Variants in ASAP3 observed in about 807,000 individuals in gnomAD.
The protein encoded by ASAP3 is ArfGAP with SH3 domain, ankyrin repeat and PH domain 3, also known as arf-GAP with SH3 domain, ANK repeat and PH domain-containing protein 3.
Under a neutral mutation model 118.2 loss-of-function variants are expected in ASAP3, and 85 were observed. That is an observed-to-expected ratio of 0.72 (90% CI 0.60 to 0.86). The LOEUF is 0.86. ASAP3 is among the 40% of genes least tolerant of loss of function. ASAP3 has a pLI of 0.00. For missense variants in ASAP3, 1,026 were observed against 1,175.0 expected, an observed-to-expected ratio of 0.87 and a Z score of 1.85; for synonymous variants, 432 against 477.4, an observed-to-expected ratio of 0.90 and a Z score of 1.24.
chr1:23,442,242 C>A lies in ASAP3; in HGVS notation c.615G>T (p.Met205Ile). ...TCTGAAGGAAGTCAGGACCTTGCTTCATCTGGCTCTCCCCGGCTTTGAGCA... is the reference window on the plus strand; with the variant it reads ...TCTGAAGGAAGTCAGGACCTTGCTTAATCTGGCTCTCCCCGGCTTTGAGCA... ...EYLLKAGESQ[M>I]KQGPDFLQSL... The change falls in exon 7 of 25, where the codon ATG becomes ATT. Residue 205 changes from methionine (M) to isoleucine (I), a missense_variant. Transcript: ENST00000336689. 1 of 1,607,288 alleles carries A rather than the reference C, an allele frequency of 6.2e-7. No individual in the cohort carries two copies. The highest frequency in any genetic ancestry group is 8.5e-7 in the Non-Finnish European group (1 of 1,177,436).
chr1:23,454,885 G>A (rs916052890), intron 3 of ASAP3, among the ~76,000 whole-genome samples: 6 of 152,320 alleles, frequency 3.9e-5, no homozygotes, highest in Non-Finnish European at 5.9e-5. Context: ...TGAGTGACTT[G>A]ACCTAGTAAG....
intron 23 of ASAP3, among the ~76,000 whole-genome samples, chr1:23,431,351 G>C (rs1558100746): frequency 6.6e-6 from 1 of 152,234 alleles, no homozygotes; most frequent in Non-Finnish European, 1.5e-5. Context: ...AGACTGAATG[G>C]GTTTGTATGG....
intron 1 of ASAP3, 132 bp downstream of exon 1, chr1:23,483,873 C>T (rs1007476759): frequency 2.0e-6 from 2 of 1,006,152 alleles, no homozygotes; most frequent in Non-Finnish European, 1.3e-6. Context: ...GCGCTCGGTC[C>T]TCCCAGACCT....
chr1:23,475,420 T>C (rs1642096786), intron 1 of ASAP3, among the ~76,000 whole-genome samples: 1 of 152,222 alleles, frequency 6.6e-6, no homozygotes, highest in Admixed American at 6.5e-5. Context: ...TCCCTTTCAG[T>C]GCAGCCCTTT....
At chr1:23,439,909 G>C (rs1041556502) in intron 10 of ASAP3, among the ~76,000 whole-genome samples, 12 of 152,026 alleles carry the variant, frequency 7.9e-5, no homozygotes, top group Non-Finnish European at 1.6e-4. Context: ...CTGCCTCCCA[G>C]GTTCAAGCAA....
intron 1 of ASAP3, among the ~76,000 whole-genome samples, chr1:23,474,990 C>T (rs1395913046): frequency 6.6e-6 from 1 of 152,182 alleles, no homozygotes; most frequent in African/African-American, 2.4e-5. Flanking sequence ...CCAGACAATC[C>T]CACAAGCTGG....
At chr1:23,464,418 C>G (rs1641694315) in intron 1 of ASAP3, among the ~76,000 whole-genome samples, 1 of 151,774 alleles carries the variant, frequency 6.6e-6, no homozygotes, top group African/African-American at 2.4e-5. Flanking sequence ...AACTCCTGAC[C>G]TCAACTGATC....
At chr1:23,431,308 G>C (rs1319953641) in intron 23 of ASAP3, among the ~76,000 whole-genome samples, 183 bp from the exon 24 acceptor site, 2 of 152,212 alleles carry the variant, frequency 1.3e-5, no homozygotes, top group African/African-American at 4.8e-5. Flanking sequence ...AAGACTCTGT[G>C]GATATCTGCA....
intron 11 of ASAP3, 124 bp downstream of exon 11, chr1:23,439,037 C>A: frequency 7.7e-7 from 1 of 1,291,500 alleles, no homozygotes; most frequent in South Asian, 1.3e-5. Context: ...CCAAACGGGT[C>A]TCCAGCTCCC....
At chr1:23,455,660 AAGG>A (rs767765836) in intron 3 of ASAP3, among the ~76,000 whole-genome samples, 96 of 152,182 alleles carry the variant, frequency 6.3e-4, no homozygotes, top group Non-Finnish European at 8.1e-4. Context: ...GGGTGAAGAG[AAGG>A]AGGAGAACAG....
At chr1:23,451,255 G>C (rs568608750) in intron 5 of ASAP3, among the ~76,000 whole-genome samples, 1 of 152,334 alleles carries the variant, frequency 6.6e-6, no homozygotes, top group African/African-American at 2.4e-5. Context: ...ATGGGACTCT[G>C]AGAGCAGCAT....
intron 5 of ASAP3, among the ~76,000 whole-genome samples, chr1:23,446,439 CTTTTTT>C (rs11365378): frequency 7.7e-6 from 1 of 130,210 alleles, no homozygotes; most frequent in Admixed American, 7.8e-5. Context: ...GTTTTTTTGT[CTTTTTT>C]TTTTTTTTTT....
At chr1:23,442,699 A>G (rs978136948) in intron 5 of ASAP3, 87 bp from the exon 6 acceptor site, 37 of 1,531,266 alleles carry the variant, frequency 2.4e-5, no homozygotes, top group Non-Finnish European at 3.1e-5. Flanking sequence ...AAGGGGCCAC[A>G]TGGTGCAGGA....
upstream of ASAP3, chr1:23,484,298 T>A: frequency 3.2e-6 from 2 of 622,182 alleles, no homozygotes; most frequent in South Asian, 8.6e-5. Context: ...GCTCCTCAGC[T>A]GGGACGGCCC....
Position 23,443,929 on chromosome 1 carries a change from G to T in ASAP3, c.474-1317C>A, listed in dbSNP as rs1487263375. ...GTAGAGATGGGGTTTCACCGTGTTA[G>T]CCAGGATGGTCTTGATCTCCTGACC... On this transcript the variant is annotated intron_variant, in intron 5 of 24. Transcript: ENST00000336689. Among the ~76,000 whole-genome samples the T allele has an allele frequency of 2.0e-5, 3 of 152,016 alleles. No homozygotes were observed. In the East Asian group the frequency reaches 5.8e-4, roughly 29 times the overall value.
At chr1:23,441,616 G>A (rs769466661) in intron 8 of ASAP3, 39 bp downstream of exon 8, 1 of 1,611,490 alleles carries the variant, frequency 6.2e-7, no homozygotes, top group African/African-American at 1.3e-5. Context: ...GGAAGGACAG[G>A]GGGCTTGATC....
chr1:23,456,094 A>G, intron 2 of ASAP3, 28 bp downstream of exon 2: 1 of 1,614,068 alleles, frequency 6.2e-7, no homozygotes, highest in Non-Finnish European at 8.5e-7. Flanking sequence ...CTTCCTGACC[A>G]GGCGGGGCAC....
chr1:23,452,141 G>A (rs968152733), intron 4 of ASAP3, among the ~76,000 whole-genome samples: 2 of 152,196 alleles, frequency 1.3e-5, no homozygotes, highest in Non-Finnish European at 1.5e-5. Context: ...TGTCTGGTTT[G>A]TGTGGTTAGC....
intron 1 of ASAP3, among the ~76,000 whole-genome samples, chr1:23,475,444 G>C (rs1642097466): frequency 6.6e-6 from 1 of 152,118 alleles, no homozygotes; most frequent in Non-Finnish European, 1.5e-5. Flanking sequence ...GCTTAAATCA[G>C]CTCAGGATGG....
Sources: allele counts gnomAD v4.1 joint callset (sites outside exome capture counted in the v4.1 genomes callset), GRCh38; gene constraint gnomAD v4.1.1; transcripts MANE v1.5; gene names NCBI Gene and HGNC (gene_info 2026-07-23, HGNC 2026-07-21).